Variants in NIPBL observed in about 807,000 individuals in gnomAD.
NIPBL encodes the protein nipped-B-like protein.
In NIPBL, 19 loss-of-function variants were observed where a neutral mutation model predicts 321.8. That is an observed-to-expected ratio of 0.06 (90% CI 0.04 to 0.09). NIPBL has a LOEUF of 0.09. Among genes scored for constraint, NIPBL ranks in the 10% least tolerant of loss-of-function variants. The pLI is 1.00. For synonymous variants in NIPBL, 1,106 were observed against 1,114.1 expected (o/e 0.99, Z 0.14); for missense variants, 2,210 against 3,327.0 (o/e 0.66, Z 8.26).
chr5:37,039,484 G>A (rs1321605934), intron 34 of NIPBL, among the ~76,000 whole-genome samples: 1 of 151,938 alleles, frequency 6.6e-6, no homozygotes, highest in Non-Finnish European at 1.5e-5. Flanking sequence ...ATATATGACA[G>A]CATAGTGAGT....
At chr5:36,988,507 T>A (rs1225196090) in intron 10 of NIPBL, among the ~76,000 whole-genome samples, 4 of 152,156 alleles carry the variant, frequency 2.6e-5, no homozygotes, top group Admixed American at 6.5e-5. Flanking sequence ...ATATCTTTTT[T>A]TTTTAGTAAT....
At chr5:37,021,634 T>C (rs940554267) in intron 27 of NIPBL, among the ~76,000 whole-genome samples, 7 of 152,266 alleles carry the variant, frequency 4.6e-5, no homozygotes, top group Middle Eastern at 3.4e-3. Context: ...GGAGCCGAGA[T>C]TGCGCCACTG....
intron 1 of NIPBL, among the ~76,000 whole-genome samples, chr5:36,946,149 C>T (rs1187209692): frequency 1.3e-5 from 2 of 151,848 alleles, no homozygotes; most frequent in Admixed American, 6.6e-5. Flanking sequence ...TCATTCTCCC[C>T]CCAGAAATCT....
rs1368315607 is a variant in NIPBL, at chr5:37,020,509, A to G, written c.5061A>G (p.Glu1687=). Residue 1687 remains glutamate, a synonymous_variant, in exon 26 of 47, where the codon GAA becomes GAG. Coordinates refer to ENST00000282516, the MANE Select transcript of NIPBL (RefSeq NM_133433.4). ...AGTGGTTTCGAGACACAACTCTGGA[A>G]ACAGAAAAAGCAATGAAATCACAAA... The part of the protein sequence containing the change: ...IAQWFRDTTL[E]TEKAMKSQKD... 2.5e-6 allele frequency: 4 copies of G among 1,614,094 alleles called. No individual in the cohort carries two copies. The Admixed American group carries it at 6.7e-5, about 27-fold the overall frequency.
intron 34 of NIPBL, among the ~76,000 whole-genome samples, chr5:37,043,526 CA>C (rs11288989): frequency 0.56 from 79,885 of 141,964 alleles, 23,188 homozygotes; most frequent in African/African-American, 0.78. Context: ...GACTCTGTCT[CA>C]AAAAAAAAAA....
At chr5:36,927,299 C>G (rs1328141998) in intron 1 of NIPBL, among the ~76,000 whole-genome samples, 1 of 152,100 alleles carries the variant, frequency 6.6e-6, no homozygotes, top group Non-Finnish European at 1.5e-5. Flanking sequence ...AAAAGAATAT[C>G]AAGGCGGATT....
intron 11 of NIPBL, 98 bp from the exon 12 acceptor site, chr5:37,000,275 A>G: frequency 4.4e-6 from 5 of 1,142,800 alleles, no homozygotes; most frequent in Non-Finnish European, 6.4e-6. Flanking sequence ...ACCCTATGGA[A>G]TGAAGATTTT....
intron 6 of NIPBL, among the ~76,000 whole-genome samples, chr5:36,967,262 A>C (rs1742310235): frequency 6.6e-6 from 1 of 152,174 alleles, no homozygotes; most frequent in Admixed American, 6.5e-5. Flanking sequence ...TTTATATCAG[A>C]TTGATAAACA....
intron 10 of NIPBL, among the ~76,000 whole-genome samples, chr5:36,991,656 T>G (rs550367120): frequency 5.9e-5 from 9 of 151,970 alleles, no homozygotes; most frequent in Non-Finnish European, 1.0e-4. Context: ...TACCTCTAAT[T>G]GAAGTTGAAG....
At chr5:36,983,763 A>ATGT (rs1360431366) in intron 9 of NIPBL, among the ~76,000 whole-genome samples, 1 of 151,980 alleles carries the variant, frequency 6.6e-6, no homozygotes, top group Non-Finnish European at 1.5e-5. Context: ...AAATATATAG[A>ATGT]TGTTAAAAAT....
In NIPBL at chr5:37,058,914, A is replaced by G. The variant is rs901092430; in HGVS notation, c.7434A>G (p.Lys2478=). 7.4e-6 allele frequency: 12 copies of G among 1,614,128 alleles called. No individual in the cohort carries two copies. The highest frequency in any genetic ancestry group is 9.3e-6 in the Non-Finnish European group (11 of 1,180,012). Residue 2478 remains lysine, a synonymous_variant, in exon 44 of 47, where the codon AAA becomes AAG. Transcript: ENST00000282516. ...FKESMVKDKR[K]ERKSSPSKEN... is the part of the protein sequence containing the mutation. ...AGTCTATGGTAAAGGACAAAAGGAAAGAGAGAAAATCATCACCTAGTAAGG... is the reference window on the plus strand; with the variant it reads ...AGTCTATGGTAAAGGACAAAAGGAAGGAGAGAAAATCATCACCTAGTAAGG...
At chr5:36,925,156 G>A (rs1030806315) in intron 1 of NIPBL, among the ~76,000 whole-genome samples, 1 of 151,914 alleles carries the variant, frequency 6.6e-6, no homozygotes, top group African/African-American at 2.4e-5. Flanking sequence ...AATAAGTGAT[G>A]CTATCTATTA....
chr5:36,990,312 T>C (rs936428784), intron 10 of NIPBL, among the ~76,000 whole-genome samples: 3 of 152,222 alleles, frequency 2.0e-5, no homozygotes, highest in Non-Finnish European at 4.4e-5. Flanking sequence ...TATCATCAGC[T>C]GGTTGCCTTT....
At chr5:36,886,260 C>A (rs1290231265) in intron 1 of NIPBL, 6 of 667,102 alleles carry the variant, frequency 9.0e-6, no homozygotes, top group Non-Finnish European at 1.7e-5. Context: ...TGGCACAGAC[C>A]CAGGCAGAGG....
intron 2 of NIPBL, 74 bp downstream of exon 2, chr5:36,953,834 AATT>A: frequency 7.8e-7 from 1 of 1,280,276 alleles, no homozygotes; most frequent in Admixed American, 1.7e-5. Context: ...CTGTTCTAAA[AATT>A]ATTATAGGTT....
At chr5:36,901,408 C>T (rs948631294) in intron 1 of NIPBL, among the ~76,000 whole-genome samples, 8 of 150,900 alleles carry the variant, frequency 5.3e-5, no homozygotes, top group Admixed American at 2.6e-4. Flanking sequence ...AGTGAACATA[C>T]ACATCCATGT....
At chr5:36,905,315 G>C (rs1172018231) in intron 1 of NIPBL, among the ~76,000 whole-genome samples, 1 of 152,184 alleles carries the variant, frequency 6.6e-6, no homozygotes, top group Non-Finnish European at 1.5e-5. Context: ...TGTTGGTTCT[G>C]ACGCAGGAGT....
At chr5:36,886,280 A>G in intron 1 of NIPBL, 1 of 671,542 alleles carries the variant, frequency 1.5e-6, no homozygotes, top group Non-Finnish European at 2.7e-6. Flanking sequence ...GGGCAGCACC[A>G]GGCCCAGGAG....
intron 1 of NIPBL, among the ~76,000 whole-genome samples, chr5:36,931,161 A>G (rs981528370): frequency 1.3e-5 from 2 of 152,114 alleles, no homozygotes; most frequent in Non-Finnish European, 2.9e-5. Context: ...GAAGATTTTT[A>G]ATAAGTAGTT....
Sources: gnomAD v4.1 joint callset for allele counts (sites outside exome capture counted in the v4.1 genomes callset) on GRCh38, gnomAD v4.1.1 for gene constraint, MANE v1.5 for transcripts, NCBI Gene and HGNC (gene_info 2026-07-23, HGNC 2026-07-21) for gene names.